Variants in KCND2 observed in about 807,000 individuals in gnomAD.
The protein encoded by KCND2 is A-type voltage-gated potassium channel KCND2.
In KCND2, 16 loss-of-function variants were observed where a neutral mutation model predicts 54.4. The ratio of observed to expected loss-of-function variants is 0.29; its 90% CI spans 0.20 to 0.45. The LOEUF (loss-of-function observed/expected upper bound fraction) is 0.45, where lower values mean the gene tolerates loss of function less well. Among genes scored for constraint, KCND2 ranks in the 20% least tolerant of loss-of-function variants. The pLI is 1.00. For synonymous variants in KCND2, 317 were observed against 310.7 expected, an observed-to-expected ratio of 1.02 and a Z score of -0.21; for missense variants, 486 against 824.2, an observed-to-expected ratio of 0.59 and a Z score of 5.02.
chr7:120,447,528 A>G (rs879813892), intron 1 of KCND2, among the ~76,000 whole-genome samples: 4 of 152,156 alleles, frequency 2.6e-5, no homozygotes, highest in African/African-American at 7.2e-5. Context: ...CTCAGAGGCC[A>G]TACATTTTTA....
chr7:120,650,809 CTGTT>C (rs1791722499), intron 1 of KCND2, among the ~76,000 whole-genome samples: 1 of 143,738 alleles, frequency 7.0e-6, no homozygotes. Context: ...GATATCCTTT[CTGTT>C]TGTTAGTTTT....
At chr7:120,548,461 C>T (rs996567440) in intron 1 of KCND2, among the ~76,000 whole-genome samples, 3 of 152,012 alleles carry the variant, frequency 2.0e-5, no homozygotes, top group African/African-American at 7.2e-5. Flanking sequence ...TCTAAAAGCC[C>T]TGCCTCCTCA....
At chr7:120,539,719 T>C (rs1217370767) in intron 1 of KCND2, among the ~76,000 whole-genome samples, 3 of 152,176 alleles carry the variant, frequency 2.0e-5, no homozygotes, top group African/African-American at 7.2e-5. Flanking sequence ...TTCTAGCAAA[T>C]GAACATATCT....
At chr7:120,405,021 T>C (rs188283284) in intron 1 of KCND2, among the ~76,000 whole-genome samples, 173 of 152,298 alleles carry the variant, frequency 1.1e-3, no homozygotes, top group Middle Eastern at 3.4e-3. Flanking sequence ...AAAGTCTGGA[T>C]GCTGTTGTTT....
At chr7:120,286,366 G>A (rs904226893) in intron 1 of KCND2, among the ~76,000 whole-genome samples, 3 of 151,826 alleles carry the variant, frequency 2.0e-5, no homozygotes, top group Non-Finnish European at 2.9e-5. Context: ...CTATATGACC[G>A]ATCTTATTTT....
At chr7:120,562,378 G>T (rs1792246822) in intron 1 of KCND2, among the ~76,000 whole-genome samples, 1 of 152,168 alleles carries the variant, frequency 6.6e-6, no homozygotes. Flanking sequence ...GAGAATTCAA[G>T]AAAGACAAGG....
intron 1 of KCND2, among the ~76,000 whole-genome samples, chr7:120,451,395 G>A (rs892847855): frequency 1.3e-5 from 2 of 152,098 alleles, no homozygotes; most frequent in African/African-American, 4.8e-5. Flanking sequence ...CTTTGCAGAA[G>A]AAGTGAGAAA....
intron 1 of KCND2, among the ~76,000 whole-genome samples, chr7:120,657,128 C>T (rs935112256): frequency 1.3e-5 from 2 of 151,982 alleles, no homozygotes; most frequent in Non-Finnish European, 2.9e-5. Flanking sequence ...CAGCTATAGC[C>T]GTGTGTCAAG....
At chr7:120,313,690 T>C (rs1799772458) in intron 1 of KCND2, among the ~76,000 whole-genome samples, 1 of 151,966 alleles carries the variant, frequency 6.6e-6, no homozygotes, top group African/African-American at 2.4e-5. Flanking sequence ...GCTGGTAGAA[T>C]ACTGAAGCAT....
intron 2 of KCND2, among the ~76,000 whole-genome samples, chr7:120,737,077 A>AC (rs1562924327): frequency 4.0e-5 from 5 of 124,764 alleles, no homozygotes; most frequent in East Asian, 2.5e-4. Flanking sequence ...CACACACACA[A>AC]ACAAAAAAAA....
At chr7:120,352,493 CACACAA>C (rs1207441203) in intron 1 of KCND2, among the ~76,000 whole-genome samples, 1 of 143,026 alleles carries the variant, frequency 7.0e-6, no homozygotes, top group Admixed American at 7.5e-5. Context: ...CACACACACA[CACACAA>C]CATTCATGAA....
At chr7:120,552,653 C>T in intron 1 of KCND2, among the ~76,000 whole-genome samples, 1 of 152,194 alleles carries the variant, frequency 6.6e-6, no homozygotes, top group East Asian at 1.9e-4. Context: ...GGTGTCCTTG[C>T]ATCTTCAGAG....
At chr7:120,359,161 G>T (rs1800553445) in intron 1 of KCND2, among the ~76,000 whole-genome samples, 1 of 152,134 alleles carries the variant, frequency 6.6e-6, no homozygotes, top group Admixed American at 6.6e-5. Flanking sequence ...TAAGGAAAAA[G>T]ATTGAGCTCT....
intron 1 of KCND2, among the ~76,000 whole-genome samples, chr7:120,549,998 A>G (rs530138861): frequency 6.6e-6 from 1 of 152,224 alleles, no homozygotes; most frequent in East Asian, 1.9e-4. Context: ...AGAATAGATC[A>G]AAGCATGGAT....
chr7:120,443,352 AAAT>A (rs139962538), intron 1 of KCND2, among the ~76,000 whole-genome samples: 12,630 of 146,504 alleles, frequency 0.086, 959 homozygotes, highest in African/African-American at 0.21. Flanking sequence ...TAACAATAAT[AAAT>A]AATAATAATA....
Position 120,509,505 on chromosome 7 carries a change from C to T in KCND2, c.1116-223398C>T, listed in dbSNP as rs186925271. On this transcript the variant is annotated intron_variant, in intron 1 of 5. Coordinates refer to ENST00000331113, the MANE Select transcript of KCND2 (RefSeq NM_012281.3). ...AGATATTCAAAAGTAATCTCTTATC[C>T]GGGGTTGAATTGCCATTTAAATTTA... Among the ~76,000 whole-genome samples the T allele has an allele frequency of 1.3e-4, 20 of 152,014 alleles. No individual in the cohort carries two copies. In the East Asian group the frequency reaches 2.7e-3, roughly 21 times the overall value.
At chr7:120,537,553 T>G (rs554330563) in intron 1 of KCND2, among the ~76,000 whole-genome samples, 1 of 152,346 alleles carries the variant, frequency 6.6e-6, no homozygotes, top group Admixed American at 6.5e-5. Flanking sequence ...AAGTCCTAGA[T>G]GGCATCTTCT....
chr7:120,578,321 G>A (rs1307729369), intron 1 of KCND2, among the ~76,000 whole-genome samples: 1 of 151,924 alleles, frequency 6.6e-6, no homozygotes, highest in Non-Finnish European at 1.5e-5. Flanking sequence ...TTTTAGTTAA[G>A]ATTGTATTCA....
At chr7:120,346,772 C>G (rs1161049935) in intron 1 of KCND2, among the ~76,000 whole-genome samples, 2 of 151,892 alleles carry the variant, frequency 1.3e-5, no homozygotes, top group African/African-American at 4.8e-5. Flanking sequence ...TCTTGACCTT[C>G]TTGTTAGGTA....
Sources: gnomAD v4.1 joint callset for allele counts (sites outside exome capture counted in the v4.1 genomes callset) on GRCh38, gnomAD v4.1.1 for gene constraint, MANE v1.5 for transcripts, NCBI Gene and HGNC (gene_info 2026-07-23, HGNC 2026-07-21) for gene names.